SNX29: variants seen among roughly 807,000 people sequenced by gnomAD.
SNX29 encodes the protein sorting nexin 29, also known as sorting nexin-29.
In SNX29, 78 loss-of-function variants were observed where a neutral mutation model predicts 102.1. That is an observed-to-expected ratio of 0.76 (90% CI 0.64 to 0.92). The LOEUF (loss-of-function observed/expected upper bound fraction) is 0.92, where lower values mean the gene tolerates loss of function less well. Among genes scored for constraint, SNX29 ranks in the 40% least tolerant of loss-of-function variants. The probability of loss-of-function intolerance (pLI) is 0.00; values close to 1 mark genes in which losing one functional copy is unlikely to be tolerated. For missense variants in SNX29, 1,280 were observed against 1,061.7 expected (o/e 1.21, Z -2.86); for synonymous variants, 580 against 414.5 (o/e 1.40, Z -4.85).
At chr16:12,070,034 TG>T (rs2051224393) in intron 10 of SNX29, among the ~76,000 whole-genome samples, 1 of 152,258 alleles carries the variant, frequency 6.6e-6, no homozygotes, top group East Asian at 1.9e-4. Flanking sequence ...ATCCTAGTGT[TG>T]TATATTTAAG....
intron 15 of SNX29, among the ~76,000 whole-genome samples, chr16:12,315,965 A>T (rs900934149): frequency 1.3e-4 from 20 of 152,186 alleles, no homozygotes; most frequent in African/African-American, 4.8e-4. Context: ...CTTTCTAGTG[A>T]GTGAGATAGA....
rs1011402667 is a variant in SNX29 at position 12,057,310 on chromosome 16, C to T, written c.1125-4218C>T. Among the ~76,000 whole-genome samples, 3 of 152,138 alleles carry T rather than the reference C, an allele frequency of 2.0e-5. No individual in the cohort carries two copies. In the East Asian group the frequency reaches 5.8e-4, roughly 29 times the overall value. On this transcript the variant is annotated intron_variant, in intron 8 of 20. Transcript: ENST00000566228. Reference sequence around the variant, plus strand: ...ATTTGCGGAGACCTTGGGTTGGCGCCCTGGTGGAAGGGAAAGATCTTGCTG... The same window carrying T: ...ATTTGCGGAGACCTTGGGTTGGCGCTCTGGTGGAAGGGAAAGATCTTGCTG...
chr16:12,324,877 A>G (rs1030490578), intron 15 of SNX29, among the ~76,000 whole-genome samples: 1 of 152,112 alleles, frequency 6.6e-6, no homozygotes, highest in African/African-American at 2.4e-5. Flanking sequence ...CCACTAGGTA[A>G]TGAAAGATAC....
chr16:12,343,195 A>G (rs1275811571), intron 15 of SNX29, among the ~76,000 whole-genome samples: 1 of 152,200 alleles, frequency 6.6e-6, no homozygotes, highest in Non-Finnish European at 1.5e-5. Context: ...CACGACAAAG[A>G]GCCACATAAT....
chr16:12,549,910 C>T (rs1181549646), intron 20 of SNX29, among the ~76,000 whole-genome samples: 2 of 152,248 alleles, frequency 1.3e-5, no homozygotes, highest in Non-Finnish European at 2.9e-5. Flanking sequence ...TGATGGCCCA[C>T]AGGCCAAATC....
At chr16:12,343,958 G>A (rs544142727) in intron 15 of SNX29, among the ~76,000 whole-genome samples, 1 of 152,334 alleles carries the variant, frequency 6.6e-6, no homozygotes, top group South Asian at 2.1e-4. Context: ...ATTCCCACAT[G>A]TTGTGGGAGG....
intron 3 of SNX29, among the ~76,000 whole-genome samples, chr16:12,013,542 T>TAGAGAGAGAGAGAGAG (rs1382498593): frequency 3.7e-5 from 4 of 109,074 alleles, no homozygotes; most frequent in African/African-American, 1.4e-4. Flanking sequence ...TATATATATA[T>TAGAGAGAGAGAGAGAG]CGAGAGAGGA....
At chr16:12,204,550 C>A (rs1010102599) in intron 14 of SNX29, among the ~76,000 whole-genome samples, 1 of 152,144 alleles carries the variant, frequency 6.6e-6, no homozygotes, top group African/African-American at 2.4e-5. Context: ...CTCGGCATCC[C>A]CATTTAATTA....
chr16:12,051,133 A>T (rs1001559796), intron 7 of SNX29, among the ~76,000 whole-genome samples: 3 of 152,164 alleles, frequency 2.0e-5, no homozygotes, highest in African/African-American at 7.2e-5. Flanking sequence ...TTTTGAGACT[A>T]GCCTGGGCAG....
chr16:11,990,624 G>C (rs1383144288), intron 1 of SNX29, among the ~76,000 whole-genome samples: 2 of 152,116 alleles, frequency 1.3e-5, no homozygotes, highest in African/African-American at 2.4e-5. Flanking sequence ...CATTGGGCTG[G>C]TAGCGCCGGG....
intron 20 of SNX29, chr16:12,560,640 C>CCA (rs1410789894): frequency 1.3e-5 from 2 of 154,346 alleles, no homozygotes; most frequent in Non-Finnish European, 2.9e-5. Context: ...CCACCTTGTG[C>CCA]CACCACCTAA....
intron 16 of SNX29, among the ~76,000 whole-genome samples, chr16:12,381,967 G>C (rs1209257639): frequency 6.6e-6 from 1 of 151,386 alleles, no homozygotes; most frequent in Admixed American, 6.6e-5. Context: ...AGTGGATACA[G>C]TTGTGCAAAT....
At chr16:12,481,448 A>G (rs1267142220) in intron 19 of SNX29, among the ~76,000 whole-genome samples, 1 of 103,756 alleles carries the variant, frequency 9.6e-6, no homozygotes, top group Non-Finnish European at 1.9e-5. Context: ...ATACACACAC[A>G]TATATACATA....
rs139428075 is a variant in SNX29, at chr16:12,548,513, G to C, written c.2319-19993G>C. On this transcript the variant is annotated intron_variant, in intron 20 of 20. Coordinates refer to ENST00000566228, the MANE Select transcript of SNX29 (RefSeq NM_032167.5). ...AGTCAGGGTTGTCTTGTCTGGACCA[G>C]ATGCTTTGAGGGTGCAGCCTTCTGG... 6.8e-3 allele frequency among the ~76,000 whole-genome samples: 1,029 copies of C among 152,314 alleles called. 14 individuals are homozygous for C. The highest frequency in any genetic ancestry group is 0.024 in the African/African-American group (978 of 41,578).
At chr16:12,260,513 C>G (rs1381434332) in intron 14 of SNX29, among the ~76,000 whole-genome samples, 1 of 152,204 alleles carries the variant, frequency 6.6e-6, no homozygotes, top group Admixed American at 6.5e-5. Context: ...AAAGCCCAGC[C>G]CCTTGCAGAT....
intron 18 of SNX29, among the ~76,000 whole-genome samples, chr16:12,441,494 G>A (rs1418895068): frequency 1.3e-5 from 2 of 152,096 alleles, no homozygotes; most frequent in Admixed American, 1.3e-4. Flanking sequence ...CCCATTTATG[G>A]CTGTTACGAA....
intron 19 of SNX29, among the ~76,000 whole-genome samples, chr16:12,508,685 T>C (rs1469069004): frequency 6.6e-6 from 1 of 152,022 alleles, no homozygotes; most frequent in Non-Finnish European, 1.5e-5. Context: ...CCTGTGGCCA[T>C]TGCAGTATGG....
At chr16:12,042,140 C>T (rs543212873) in intron 4 of SNX29, among the ~76,000 whole-genome samples, 259 of 152,242 alleles carry the variant, frequency 1.7e-3, no homozygotes, top group African/African-American at 5.9e-3. Context: ...AAGTGATTCT[C>T]CTGCCTCAGC....
intron 15 of SNX29, among the ~76,000 whole-genome samples, chr16:12,303,762 T>C (rs1325738959): frequency 6.6e-6 from 1 of 152,190 alleles, no homozygotes; most frequent in Non-Finnish European, 1.5e-5. Flanking sequence ...GCTTGAAGTG[T>C]TTTGTAATTT....
Sources: allele counts gnomAD v4.1 joint callset (sites outside exome capture counted in the v4.1 genomes callset), GRCh38; gene constraint gnomAD v4.1.1; transcripts MANE v1.5; gene names NCBI Gene and HGNC (gene_info 2026-07-23, HGNC 2026-07-21).